The following SLC25A17 variants were observed in gnomAD, a reference collection of about 807,000 sequenced individuals.
SLC25A17 encodes solute carrier family 25 member 17.
A neutral mutation model predicts 38.5 loss-of-function variants in SLC25A17; 26 were observed. The ratio of observed to expected loss-of-function variants is 0.68; its 90% CI spans 0.50 to 0.94. SLC25A17 has a LOEUF of 0.94. Ranked by LOEUF, SLC25A17 falls within the 40% of genes least tolerant of loss-of-function variation. The pLI is 0.00. For missense variants in SLC25A17, 333 were observed against 372.7 expected, an observed-to-expected ratio of 0.89 and a Z score of 0.88; for synonymous variants, 139 against 136.2, an observed-to-expected ratio of 1.02 and a Z score of -0.14.
intron 1 of SLC25A17, among the ~76,000 whole-genome samples, chr22:40,804,451 G>C (rs2057511712): frequency 6.6e-6 from 1 of 152,088 alleles, no homozygotes; most frequent in Non-Finnish European, 1.5e-5. Context: ...TTTCTCTAAT[G>C]ATTAGTGATG....
At chr22:40,810,432 C>T (rs1283909481) in intron 1 of SLC25A17, among the ~76,000 whole-genome samples, 2 of 151,152 alleles carry the variant, frequency 1.3e-5, no homozygotes, top group African/African-American at 4.9e-5. Context: ...ACTGCAACCT[C>T]CGCCTCCCGG....
chr22:40,787,619 A>C (rs1329896171), intron 4 of SLC25A17, among the ~76,000 whole-genome samples: 2 of 152,324 alleles, frequency 1.3e-5, no homozygotes, highest in Admixed American at 1.3e-4. Context: ...TGCAAGGAAC[A>C]GATACTGAAA....
At chr22:40,807,437 A>T (rs548853137) in intron 1 of SLC25A17, among the ~76,000 whole-genome samples, 2 of 152,162 alleles carry the variant, frequency 1.3e-5, no homozygotes, top group South Asian at 2.1e-4. Flanking sequence ...AAAACTTTTT[A>T]AAAATTACTA....
intron 8 of SLC25A17, among the ~76,000 whole-genome samples, chr22:40,773,366 C>T (rs547547538): frequency 1.1e-4 from 16 of 146,264 alleles, no homozygotes; most frequent in South Asian, 2.2e-4. Flanking sequence ...GCGGAGATAG[C>T]GCCACTGCAC....
intron 2 of SLC25A17, among the ~76,000 whole-genome samples, chr22:40,796,246 T>C (rs1340979289): frequency 6.6e-6 from 1 of 152,222 alleles, no homozygotes; most frequent in East Asian, 1.9e-4. Context: ...ACCTGAAAAG[T>C]AATTTTAGAA....
chr22:40,810,647 T>C (rs1331790873), intron 1 of SLC25A17, among the ~76,000 whole-genome samples: 4 of 152,188 alleles, frequency 2.6e-5, no homozygotes, highest in Admixed American at 6.5e-5. Flanking sequence ...GAGCATTAAA[T>C]ATTCTAATAG....
intron 4 of SLC25A17, among the ~76,000 whole-genome samples, chr22:40,787,947 G>T (rs551000430): frequency 6.6e-6 from 1 of 152,180 alleles, no homozygotes; most frequent in Middle Eastern, 3.4e-3. Flanking sequence ...ATAGAGATGG[G>T]GTCTCGCTAT....
At chr22:40,812,706 G>C (rs1014362843) in intron 1 of SLC25A17, among the ~76,000 whole-genome samples, 1 of 152,102 alleles carries the variant, frequency 6.6e-6, no homozygotes, top group Non-Finnish European at 1.5e-5. Flanking sequence ...CTGCATTATA[G>C]AACAGAAAGA....
intron 1 of SLC25A17, among the ~76,000 whole-genome samples, chr22:40,805,474 G>A (rs1602622571): frequency 1.3e-5 from 2 of 152,204 alleles, no homozygotes; most frequent in Non-Finnish European, 2.9e-5. Flanking sequence ...AAGGAATGTG[G>A]CAGCCTCTAG....
At chr22:40,780,075 A>G (rs371180411) in intron 4 of SLC25A17, 3 of 152,238 alleles carry the variant, frequency 2.0e-5, no homozygotes, top group Non-Finnish European at 4.4e-5. Context: ...AAGAGAAAAA[A>G]TCCTAAGGAA....
intron 4 of SLC25A17, among the ~76,000 whole-genome samples, chr22:40,782,926 C>A (rs1239934779): frequency 6.6e-6 from 1 of 152,074 alleles, no homozygotes; most frequent in Admixed American, 6.6e-5. Flanking sequence ...TGGGAAAATA[C>A]AATAAATAAT....
Position 40,798,965 on chromosome 22 carries a change from A to G in SLC25A17, c.115+58T>C, listed in dbSNP as rs901353414. ...TCTCAAAAAAAAAAAAAAAGAAATTACTAGCGAAAATGTTTGCTTCCTGAC... is the reference window on the plus strand; with the variant it reads ...TCTCAAAAAAAAAAAAAAAGAAATTGCTAGCGAAAATGTTTGCTTCCTGAC... On this transcript the variant is annotated intron_variant, in intron 2 of 8. Coordinates refer to ENST00000435456, the MANE Select transcript of SLC25A17 (RefSeq NM_006358.4). 7 of 1,166,306 alleles carry G rather than the reference A, an allele frequency of 6.0e-6. No homozygotes were observed. The Admixed American group carries it at 1.3e-4, about 22-fold the overall frequency. The allele number at this position is 1,166,306 out of a possible 1,614,324, so 72.2% of individuals were successfully genotyped here.
intron 1 of SLC25A17, among the ~76,000 whole-genome samples, chr22:40,809,404 C>T (rs1391662331): frequency 6.6e-6 from 1 of 151,520 alleles, no homozygotes; most frequent in Non-Finnish European, 1.5e-5. Flanking sequence ...TGCTTGAGCC[C>T]AGGAGTTCGA....
intron 8 of SLC25A17, among the ~76,000 whole-genome samples, chr22:40,772,389 C>T (rs958189393): frequency 1.3e-5 from 2 of 152,188 alleles, no homozygotes; most frequent in Non-Finnish European, 2.9e-5. Flanking sequence ...ACTGCAGCCT[C>T]GACCTCCTGG....
At position 40,786,694 on chromosome 22, in the gene SLC25A17, G is replaced by A. The variant is rs188793699; in HGVS notation, c.334+5831C>T. 2.5e-3 allele frequency among the ~76,000 whole-genome samples: 383 copies of A among 152,262 alleles called. 1 individual carries two copies. The highest frequency in any genetic ancestry group is 8.9e-3 in the African/African-American group (369 of 41,552). On this transcript the variant is annotated intron_variant, in intron 4 of 8. Transcript: ENST00000435456. ...AAATACTTTCAATCCACAGTTGGCC[G>A]AATCCACAGATGTGGAACCCACGGA...
At position 40,789,173 on chromosome 22, in the gene SLC25A17, A is replaced by G; in HGVS notation, c.334+3352T>C. 1 of 257,846 alleles carries G rather than the reference A, an allele frequency of 3.9e-6. No individual in the cohort carries two copies. The highest frequency in any genetic ancestry group is 7.8e-6 in the Non-Finnish European group (1 of 127,564). The allele number at this position is 257,846 out of a possible 1,614,324, so 16.0% of individuals were successfully genotyped here. A position where few individuals can be genotyped will look rare whatever the true frequency, so the allele number is the denominator to read the frequency against. ...TGCTCAGGAAAATTAGCTGTGGGGG[A>G]TGCCCAGCTGCTTGTAGCCACGGCC... On this transcript the variant is annotated intron_variant, in intron 4 of 8. Transcript: ENST00000435456. This position sits in a 1 kb window ranked among gnomAD's most constrained non-coding sequence, Gnocchi z 4.5.
intron 4 of SLC25A17, among the ~76,000 whole-genome samples, chr22:40,783,929 C>T (rs1473002388): frequency 6.6e-6 from 1 of 152,142 alleles, no homozygotes; most frequent in Non-Finnish European, 1.5e-5. Flanking sequence ...TGGTCTCAAA[C>T]TCCTGACCTC....
rs763764746 is a variant in SLC25A17, at chr22:40,770,917, C to T, written c.841G>A (p.Ala281Thr). The T allele has an allele frequency of 1.9e-6, 3 of 1,613,182 alleles. No individual in the cohort carries two copies. In the East Asian group the frequency reaches 6.7e-5, roughly 36 times the overall value. ...TCATAAACAAGGAACATGAGAGCAG[C>T]AGTGAGGACTGTCTGCAGCAGTTTG... ...EAKLLQTVLT[A>T]ALMFLVYEKL... Residue 281 changes from alanine (A) to threonine (T), a missense_variant, in exon 9 of 9, where the codon GCT (alanine) becomes ACT (threonine). Transcript: ENST00000435456.
intron 1 of SLC25A17, among the ~76,000 whole-genome samples, chr22:40,806,561 T>G (rs970134562): frequency 3.0e-4 from 45 of 152,070 alleles, no homozygotes; most frequent in African/African-American, 1.0e-3. Context: ...TTTTTGCCAG[T>G]CTAATTGCTC....
Sources: allele counts gnomAD v4.1 joint callset (sites outside exome capture counted in the v4.1 genomes callset), GRCh38; gene constraint gnomAD v4.1.1; non-coding constraint Gnocchi (gnomAD v3.1); transcripts MANE v1.5; gene names NCBI Gene and HGNC (gene_info 2026-07-23, HGNC 2026-07-21).